The following UBR1 variants were observed in gnomAD, a reference collection of about 807,000 sequenced individuals.
UBR1 encodes E3 ubiquitin-protein ligase UBR1.
In UBR1, 102 loss-of-function variants were observed where a neutral mutation model predicts 242.1. The observed-to-expected ratio is 0.42, with a 90% confidence interval of 0.36 to 0.50. The LOEUF (loss-of-function observed/expected upper bound fraction) is 0.50. UBR1 is among the 20% of genes least tolerant of loss of function. The pLI is 0.01. For missense variants in UBR1, 1,772 were observed against 2,101.8 expected, an observed-to-expected ratio of 0.84 and a Z score of 3.07; for synonymous variants, 675 against 684.8, an observed-to-expected ratio of 0.99 and a Z score of 0.22.
intron 1 of UBR1, among the ~76,000 whole-genome samples, chr15:43,088,599 G>A (rs1400875548): frequency 1.3e-5 from 2 of 151,634 alleles, no homozygotes; most frequent in Admixed American, 6.6e-5. Context: ...GGGTTCAAGC[G>A]ATTTTCCTGC....
intron 29 of UBR1, among the ~76,000 whole-genome samples, chr15:43,009,778 A>C (rs1197761017): frequency 6.6e-6 from 1 of 152,216 alleles, no homozygotes; most frequent in African/African-American, 2.4e-5. Context: ...TCTGTGCAAG[A>C]AGCTCCCTGA....
intron 6 of UBR1, among the ~76,000 whole-genome samples, chr15:43,062,781 G>A (rs181262218): frequency 6.6e-6 from 1 of 152,058 alleles, no homozygotes; most frequent in Non-Finnish European, 1.5e-5. Context: ...AAAATACAGG[G>A]GTGGGAGTAG....
chr15:42,962,953 G>T (rs1292948275), intron 42 of UBR1, among the ~76,000 whole-genome samples: 3 of 152,216 alleles, frequency 2.0e-5, no homozygotes, highest in Middle Eastern at 6.3e-3. Context: ...TTCAGACAAG[G>T]AGGGTCTGGA....
intron 26 of UBR1, 43 bp downstream of exon 26, chr15:43,022,659 A>G: frequency 7.1e-7 from 1 of 1,399,082 alleles, no homozygotes; most frequent in East Asian, 2.3e-5. Context: ...TAAGATCTAG[A>G]CTTTCAATGA....
In UBR1 at chr15:43,005,303, C is replaced by T. The variant is rs549816474; in HGVS notation, c.3416-1373G>A. Among the ~76,000 whole-genome samples, 738 of 145,544 alleles carry T rather than the reference C, an allele frequency of 5.1e-3. 3 individuals carry two copies. Among genetic ancestry groups the T allele is most frequent in the African/African-American group, 0.011 (416 of 39,198 alleles). Reference sequence around the variant, plus strand: ...CGGGAGGGAGGTGGGGGGCAGCCCCCGCCCGGCAGCCGCCCCATCCGGGAG... The same window carrying T: ...CGGGAGGGAGGTGGGGGGCAGCCCCTGCCCGGCAGCCGCCCCATCCGGGAG... On this transcript the variant is annotated intron_variant, in intron 30 of 46. Transcript: ENST00000290650.
chr15:43,061,783 T>C (rs1028590330), intron 6 of UBR1, among the ~76,000 whole-genome samples: 1 of 116,110 alleles, frequency 8.6e-6, no homozygotes, highest in African/African-American at 3.3e-5. Flanking sequence ...ATAAGAATGA[T>C]ACAATGGACT....
chr15:42,966,145 C>T lies in UBR1; in HGVS notation c.4591+8G>A, dbSNP rs746100043. The T allele has an allele frequency of 1.1e-5, 18 of 1,613,984 alleles. No homozygotes were observed. The highest frequency in any genetic ancestry group is 8.5e-7 in the Non-Finnish European group (1 of 1,180,028). On this transcript the variant is annotated splice_region_variant and intron_variant, in intron 41 of 46. Coordinates refer to ENST00000290650, the MANE Select transcript of UBR1 (RefSeq NM_174916.3). ...TTTTCCACTCCATGATTTCATTTTT[C>T]TACTTACTGGTATGCAGTTCCTCAG...
At chr15:42,967,425 T>C (rs994410442) in intron 40 of UBR1, among the ~76,000 whole-genome samples, 2 of 151,354 alleles carry the variant, frequency 1.3e-5, no homozygotes, top group African/African-American at 4.9e-5. Context: ...TTTTTTTTTT[T>C]TTGTTTAGAT....
At chr15:42,994,949 A>C (rs958617187) in intron 33 of UBR1, among the ~76,000 whole-genome samples, 1 of 152,244 alleles carries the variant, frequency 6.6e-6, no homozygotes, top group Non-Finnish European at 1.5e-5. Context: ...ATTTTTAATC[A>C]TTCCATGATT....
Position 43,067,988 on chromosome 15 carries a change from A to G in UBR1, c.708T>C (p.His236=). The change falls in exon 6 of 47, where the codon CAT becomes CAC. Residue 236 remains histidine, a synonymous_variant. Transcript: ENST00000290650. ...GGCTGTATATGACGTGGTCATATGA[A>G]TGGTGTTCATCATTGAAAAGGACAC... ...YYCVLFNDEH[H]SYDHVIYSLQ... 1 of 1,612,670 alleles carries G rather than the reference A, an allele frequency of 6.2e-7. No homozygotes were observed. The highest frequency in any genetic ancestry group is 8.5e-7 in the Non-Finnish European group (1 of 1,179,274).
chr15:43,014,519 C>A (rs553249833), intron 29 of UBR1, among the ~76,000 whole-genome samples: 2 of 151,680 alleles, frequency 1.3e-5, no homozygotes, highest in East Asian at 1.9e-4. Context: ...ATGTGGGGAG[C>A]GCCTCTGCCC....
intron 1 of UBR1, among the ~76,000 whole-genome samples, chr15:43,104,671 C>A (rs566987195): frequency 6.6e-6 from 1 of 151,642 alleles, no homozygotes; most frequent in Non-Finnish European, 1.5e-5. Context: ...TCTGTTCTCG[C>A]ATAAAACAAT....
chr15:43,017,371 TGAG>T lies in UBR1; in HGVS notation c.2941-193_2941-191del, dbSNP rs549913183. On this transcript the variant is annotated intron_variant, in intron 27 of 46. Transcript: ENST00000290650. ...TCCCCTGGTCAATGAGCAATCCAGC[TGAG>T]GAGGAGGCCACTGGTAGCAGAATCA... 9.2e-5 allele frequency among the ~76,000 whole-genome samples: 14 copies of T among 152,332 alleles called. No individual in the cohort carries two copies. In the South Asian group the frequency reaches 2.7e-3, roughly 29 times the overall value.
chr15:43,044,849 C>T (rs1207477058), intron 14 of UBR1, among the ~76,000 whole-genome samples: 2 of 151,838 alleles, frequency 1.3e-5, no homozygotes, highest in Non-Finnish European at 2.9e-5. Context: ...GAGCCAAGTT[C>T]GTGCCACTGC....
At chr15:43,033,637 G>C (rs1389357338) in intron 19 of UBR1, among the ~76,000 whole-genome samples, 2 of 152,158 alleles carry the variant, frequency 1.3e-5, no homozygotes, top group Non-Finnish European at 2.9e-5. Flanking sequence ...CTGGGCGACA[G>C]AGCGAGACTT....
intron 1 of UBR1, among the ~76,000 whole-genome samples, chr15:43,098,903 G>C (rs1275182581): frequency 6.6e-6 from 1 of 152,160 alleles, no homozygotes; most frequent in African/African-American, 2.4e-5. Flanking sequence ...TTCCCACTCA[G>C]AGTGTGTCCT....
intron 6 of UBR1, among the ~76,000 whole-genome samples, chr15:43,065,715 A>T (rs1425448312): frequency 6.6e-6 from 1 of 152,108 alleles, no homozygotes; most frequent in African/African-American, 2.4e-5. Flanking sequence ...GCATTTCTCT[A>T]ATGATCAATG....
At chr15:43,032,432 A>G (rs1015981056) in intron 20 of UBR1, 136 bp downstream of exon 20, 59 of 624,102 alleles carry the variant, frequency 9.5e-5, no homozygotes, top group Non-Finnish European at 1.3e-4. Context: ...AAAATGTAAA[A>G]TCTGTGCTTT....
chr15:43,027,628 A>C (rs1250732246), intron 22 of UBR1, 148 bp downstream of exon 22: 2 of 661,664 alleles, frequency 3.0e-6, no homozygotes, highest in Non-Finnish European at 5.2e-6. Flanking sequence ...GTCTACTGTG[A>C]GCCCCTCATT....
Sources: allele counts gnomAD v4.1 joint callset (sites outside exome capture counted in the v4.1 genomes callset), GRCh38; gene constraint gnomAD v4.1.1; transcripts MANE v1.5; gene names NCBI Gene and HGNC (gene_info 2026-07-23, HGNC 2026-07-21).